Variants in MYH15 observed in about 807,000 individuals in gnomAD.
MYH15 encodes myosin-15.
A neutral mutation model predicts 240.5 loss-of-function variants in MYH15; 227 were observed. The ratio of observed to expected loss-of-function variants is 0.94; its 90% CI spans 0.85 to 1.05. MYH15 has a LOEUF of 1.05. MYH15 is among the 50% of genes least tolerant of loss of function. The pLI is 0.00. For synonymous variants in MYH15, 785 were observed against 796.7 expected (o/e 0.99, Z 0.25); for missense variants, 2,217 against 2,247.5 (o/e 0.99, Z 0.27).
At chr3:108,490,042 T>A (rs1371308842) in intron 9 of MYH15, among the ~76,000 whole-genome samples, 1 of 152,200 alleles carries the variant, frequency 6.6e-6, no homozygotes, top group African/African-American at 2.4e-5. Context: ...AATCTTGCAG[T>A]CTCTGCTGGT....
At chr3:108,397,056 G>A (rs2082467401) in intron 35 of MYH15, among the ~76,000 whole-genome samples, 1 of 152,166 alleles carries the variant, frequency 6.6e-6, no homozygotes, top group Non-Finnish European at 1.5e-5. Flanking sequence ...CCAGAGTGTA[G>A]CAGTTCTGCC....
intron 32 of MYH15, among the ~76,000 whole-genome samples, chr3:108,405,788 T>C (rs1434448213): frequency 1.3e-5 from 2 of 152,180 alleles, no homozygotes; most frequent in African/African-American, 2.4e-5. Flanking sequence ...ATTCCAACTT[T>C]GGGATAAATT....
chr3:108,511,097 C>T (rs1025832128), upstream of MYH15, among the ~76,000 whole-genome samples: 7 of 151,942 alleles, frequency 4.6e-5, no homozygotes, highest in East Asian at 1.9e-4. Flanking sequence ...CATCAAGTTG[C>T]GGACACTAGG....
intron 1 of MYH15, among the ~76,000 whole-genome samples, chr3:108,527,868 C>T (rs1211400382): frequency 6.6e-6 from 1 of 152,146 alleles, no homozygotes; most frequent in Non-Finnish European, 1.5e-5. Flanking sequence ...GCTGCTATAG[C>T]AAAACCCCAG....
rs749679527 is a variant in MYH15 at position 108,454,055 on chromosome 3, C to T, written c.2350G>A (p.Ala784Thr). 1.4e-5 allele frequency: 22 copies of T among 1,612,940 alleles called. No individual in the cohort carries two copies. Among genetic ancestry groups the T allele is most frequent in the Non-Finnish European group, 1.0e-5 (12 of 1,179,372 alleles). The change falls in exon 21 of 41, where the codon GCA (alanine) becomes ACA (threonine). Residue 784 changes from alanine to threonine, a missense_variant. Transcript: ENST00000693548. ...TTGATTCGCATCAGTTTGCCCTGTG[C>T]TCTGGCTTGGAACAATGTGAAGACT... ...SKVFTLFQAR[A>T]QGKLMRIKFQ...
chr3:108,399,264 C>T lies in MYH15; in HGVS notation c.4740G>A (p.Arg1580=). ...GGGAGTCAATGGTACACTGCTGCTT[C>T]CTCCTAATTTGAAATAACATTTGGA... is the stretch of plus-strand genomic sequence containing the variant. The part of the protein sequence containing the change: ...EKDEEIENFR[R]KQQCTIDSLQ... Residue 1580 remains arginine, a synonymous_variant, in exon 34 of 41, where the codon AGG becomes AGA. Transcript: ENST00000693548. 1 of 1,606,232 alleles carries T rather than the reference C, an allele frequency of 6.2e-7. No individual in the cohort carries two copies. Among genetic ancestry groups the T allele is most frequent in the Middle Eastern group, 1.7e-4 (1 of 6,022 alleles).
chr3:108,486,629 T>A, intron 9 of MYH15, 103 bp from the exon 10 acceptor site: 2 of 645,420 alleles, frequency 3.1e-6, no homozygotes, highest in Non-Finnish European at 5.1e-6. Context: ...TATATCATAC[T>A]TGTAAACAAG....
At chr3:108,493,644 C>A (rs1028908805) in intron 7 of MYH15, among the ~76,000 whole-genome samples, 1 of 152,188 alleles carries the variant, frequency 6.6e-6, no homozygotes, top group Non-Finnish European at 1.5e-5. Flanking sequence ...TGGCCCCTAC[C>A]CTCATGAATC....
intron 2 of MYH15, 120 bp downstream of exon 2, chr3:108,505,603 C>T (rs900286409): frequency 5.7e-5 from 27 of 477,392 alleles, no homozygotes; most frequent in African/African-American, 4.1e-4. Flanking sequence ...TGAATGACTC[C>T]GAAGTGAGTC....
In MYH15 at chr3:108,464,757, G is replaced by T. The variant is rs760837884; in HGVS notation, c.1612C>A (p.Leu538Met). The change falls in exon 15 of 41, where the codon CTG (leucine) becomes ATG (methionine). Residue 538 changes from leucine to methionine, a missense_variant. Physicochemically the swap from Leu to Met is conservative, Grantham distance 15. Transcript: ENST00000693548. Reference protein sequence around the residue: ...EECMFPKATDLTFKTKLFDNH... With the variant: ...EECMFPKATDMTFKTKLFDNH... ...TCAAAGAGTTTGGTCTTGAAAGTCA[G>T]GTCTGTAGCCTTAGGAAACATACAC... The T allele has an allele frequency of 1.9e-6, 3 of 1,613,852 alleles. No individual in the cohort carries two copies. The highest frequency in any genetic ancestry group is 8.5e-7 in the Non-Finnish European group (1 of 1,179,846).
At chr3:108,484,214 TTTC>T (rs1279828824) in intron 11 of MYH15, among the ~76,000 whole-genome samples, 1 of 152,212 alleles carries the variant, frequency 6.6e-6, no homozygotes, top group Non-Finnish European at 1.5e-5. Flanking sequence ...ACAACTATGC[TTTC>T]TTCTTTTCAT....
intron 1 of MYH15, among the ~76,000 whole-genome samples, chr3:108,508,326 A>G (rs925968988): frequency 2.6e-5 from 4 of 152,226 alleles, no homozygotes; most frequent in African/African-American, 9.6e-5. Flanking sequence ...GACATTTTAA[A>G]AAATGAAGTA....
At chr3:108,463,320 C>T in intron 15 of MYH15, 77 bp from the exon 16 acceptor site, 1 of 1,466,502 alleles carries the variant, frequency 6.8e-7, no homozygotes, top group Non-Finnish European at 9.2e-7. Flanking sequence ...GTGCATTACC[C>T]CTTTTTTTTT....
chr3:108,545,375 A>G, the MYH15 span, among the ~76,000 whole-genome samples: 1 of 152,202 alleles, frequency 6.6e-6, no homozygotes, highest in Non-Finnish European at 1.5e-5. Flanking sequence ...AACCAAGGAC[A>G]AAGGACATAA....
At chr3:108,427,555 AC>A (rs909994490) in intron 27 of MYH15, among the ~76,000 whole-genome samples, 9 of 152,046 alleles carry the variant, frequency 5.9e-5, no homozygotes, top group African/African-American at 1.9e-4. Flanking sequence ...TTTGTAAATT[AC>A]CCAGTCTGTG....
chr3:108,460,563 C>G (rs1398699581), intron 16 of MYH15, among the ~76,000 whole-genome samples, 196 bp from the exon 17 acceptor site: 1 of 152,058 alleles, frequency 6.6e-6, no homozygotes, highest in Non-Finnish European at 1.5e-5. Flanking sequence ...AGGATATAAT[C>G]AGGCAACTGT....
At chr3:108,472,992 A>C (rs528413745) in intron 12 of MYH15, among the ~76,000 whole-genome samples, 1 of 152,166 alleles carries the variant, frequency 6.6e-6, no homozygotes, top group African/African-American at 2.4e-5. Context: ...AAAAAATAAC[A>C]AAGTCAAATA....
chr3:108,534,716 ATTT>A, the MYH15 span, among the ~76,000 whole-genome samples: 1 of 104,024 alleles, frequency 9.6e-6, no homozygotes. Context: ...AAAAAAAAAA[ATTT>A]TTTTTTTTTA....
At chr3:108,545,562 C>A in the MYH15 span, among the ~76,000 whole-genome samples, 3 of 151,928 alleles carry the variant, frequency 2.0e-5, no homozygotes, top group South Asian at 6.2e-4. Flanking sequence ...AATCTAGATG[C>A]GGTTACCAAA....
Sources: allele counts gnomAD v4.1 joint callset (sites outside exome capture counted in the v4.1 genomes callset), GRCh38; gene constraint gnomAD v4.1.1; transcripts MANE v1.5; gene names NCBI Gene and HGNC (gene_info 2026-07-23, HGNC 2026-07-21).